GRAMD4: variants seen among roughly 807,000 people sequenced by gnomAD.
The protein encoded by GRAMD4 is GRAM domain-containing protein 4.
GRAMD4 carries 25 observed loss-of-function variants against 83.9 expected under a neutral mutation model. The ratio of observed to expected loss-of-function variants is 0.30; its 90% CI spans 0.22 to 0.42. The LOEUF (loss-of-function observed/expected upper bound fraction) is 0.42, where lower values mean the gene tolerates loss of function less well. Among genes scored for constraint, GRAMD4 ranks in the 10% least tolerant of loss-of-function variants. GRAMD4 has a pLI of 1.00. For synonymous variants in GRAMD4, 336 were observed against 320.9 expected (o/e 1.05, Z -0.50); for missense variants, 593 against 788.7 (o/e 0.75, Z 2.97).
chr22:46,616,829 C>T (rs1279933630), upstream of GRAMD4, among the ~76,000 whole-genome samples: 1 of 47,696 alleles, frequency 2.1e-5, no homozygotes, highest in Non-Finnish European at 4.0e-5. Context: ...CCTGTGTGTA[C>T]GTTCCCCTGT....
intron 3 of GRAMD4, among the ~76,000 whole-genome samples, chr22:46,643,899 C>T (rs2082026842): frequency 6.6e-6 from 1 of 152,120 alleles, no homozygotes; most frequent in Non-Finnish European, 1.5e-5. Flanking sequence ...TATCTAAAAT[C>T]GTTTCCATGG....
At chr22:46,668,250 A>G (rs1332519258) in intron 11 of GRAMD4, 83 bp downstream of exon 11, 4 of 955,924 alleles carry the variant, frequency 4.2e-6, no homozygotes, top group South Asian at 1.4e-5. Flanking sequence ...GGCCAGGGGT[A>G]GGTCTCCGCC....
intron 1 of GRAMD4, 86 bp from the exon 2 acceptor site, chr22:46,626,665 T>C (rs1175066217): frequency 1.3e-5 from 10 of 795,784 alleles, no homozygotes; most frequent in Non-Finnish European, 1.8e-5. Context: ...TTTGGAAAGC[T>C]GGACCGGCTG....
chr22:46,585,131 C>T (rs1446390216), intron 1 of GRAMD4, among the ~76,000 whole-genome samples: 5 of 151,766 alleles, frequency 3.3e-5, no homozygotes, highest in Non-Finnish European at 7.4e-5. Flanking sequence ...GCTGGTTTGT[C>T]GGCGGTGTTT....
downstream of GRAMD4, among the ~76,000 whole-genome samples, chr22:46,680,805 C>CCCAT (rs751195568): frequency 0.077 from 4,307 of 55,590 alleles, 424 homozygotes; most frequent in African/African-American, 0.14. Context: ...CATTCACCTA[C>CCCAT]CCATCCATCC....
At position 46,644,697 on chromosome 22, in the gene GRAMD4, G is replaced by GTTTGTTTTTTTTTT. The variant is rs2082043917; in HGVS notation, c.283+6740_283+6741insGTTTTTTTTTTTTT. On this transcript the variant is annotated intron_variant, in intron 3 of 18. Coordinates refer to ENST00000406902, the MANE Select transcript of GRAMD4 (RefSeq NM_015124.5). Reference sequence around the variant, plus strand: ...TCATCCACTTGTCCACTTGTTCCCTGTTTTTTTTTTTTTTTTTTTTTTTTT... The same window carrying GTTTGTTTTTTTTTT: ...TCATCCACTTGTCCACTTGTTCCCTGTTTGTTTTTTTTTTTTTTTTTTTTTTTTTTTTTTTTTTT... 2.1e-5 allele frequency among the ~76,000 whole-genome samples: 2 copies of GTTTGTTTTTTTTTT among 97,338 alleles called. 1 individual carries two copies. Among genetic ancestry groups the GTTTGTTTTTTTTTT allele is most frequent in the African/African-American group, 8.0e-5 (2 of 24,922 alleles). The allele number at this position is 97,338 out of a possible 152,430, so 63.9% of individuals were successfully genotyped here. A position where few individuals can be genotyped will look rare whatever the true frequency, so the allele number is the denominator to read the frequency against.
chr22:46,621,269 A>T lies in GRAMD4; in HGVS notation c.-50+704A>T, dbSNP rs2081570831. On this transcript the variant is annotated intron_variant, in intron 1 of 18. Transcript: ENST00000406902. This position sits in a 1 kb window ranked among gnomAD's most constrained non-coding sequence, Gnocchi z 5.8. ...GACGGGCCTTGGTTCCTGCATCTGT[A>T]AGTTGGGCGTGTGCTGGGTAATAGT... Among the ~76,000 whole-genome samples the T allele has an allele frequency of 1.3e-5, 2 of 152,080 alleles. No homozygotes were observed. The highest frequency in any genetic ancestry group is 1.3e-4 in the Admixed American group (2 of 15,282).
chr22:46,580,695 T>C (rs984829829), intron 1 of GRAMD4, among the ~76,000 whole-genome samples: 3 of 152,294 alleles, frequency 2.0e-5, no homozygotes, highest in African/African-American at 7.2e-5. Flanking sequence ...CCGGGCGCGC[T>C]GGCTCACGCC....
chr22:46,611,419 T>C (rs1945199106), intron 1 of GRAMD4, among the ~76,000 whole-genome samples: 1 of 152,054 alleles, frequency 6.6e-6, no homozygotes. Flanking sequence ...GCTCAGGCCA[T>C]GGAGTCCAGT....
chr22:46,675,728 G>T (rs763945574), intron 17 of GRAMD4, among the ~76,000 whole-genome samples, 176 bp downstream of exon 17: 1 of 152,206 alleles, frequency 6.6e-6, no homozygotes, highest in Non-Finnish European at 1.5e-5. Context: ...CTGTGGGTCT[G>T]CCCCTGCCCT....
At chr22:46,628,825 G>T (rs1381213903) in intron 2 of GRAMD4, among the ~76,000 whole-genome samples, 1 of 152,140 alleles carries the variant, frequency 6.6e-6, no homozygotes, top group Non-Finnish European at 1.5e-5. Context: ...GGCCGCTCCA[G>T]GGTGATGTCT....
chr22:46,643,632 C>G (rs1231856642), intron 3 of GRAMD4, among the ~76,000 whole-genome samples: 1 of 152,200 alleles, frequency 6.6e-6, no homozygotes, highest in Non-Finnish European at 1.5e-5. Context: ...CTTTCGTCTC[C>G]TTTCACCTGG....
At chr22:46,682,677 C>T (rs888897524), downstream of GRAMD4, among the ~76,000 whole-genome samples, 3 of 152,234 alleles carry the variant, frequency 2.0e-5, no homozygotes, top group South Asian at 2.1e-4. Context: ...CGAACACCCC[C>T]CAAAATGCCT....
chr22:46,599,223 G>T (rs1458120619), intron 1 of GRAMD4, among the ~76,000 whole-genome samples: 1 of 152,176 alleles, frequency 6.6e-6, no homozygotes, highest in Non-Finnish European at 1.5e-5. Context: ...GGGCCTGTGT[G>T]TGAGAGTGCT....
intron 3 of GRAMD4, among the ~76,000 whole-genome samples, chr22:46,648,795 G>GATGC (rs1725256564): frequency 1.3e-4 from 15 of 114,140 alleles, no homozygotes; most frequent in Non-Finnish European, 1.9e-4. Flanking sequence ...TGGATGGATG[G>GATGC]ATGGATGCAT....
chr22:46,667,859 G>A (rs1355366879), intron 10 of GRAMD4, among the ~76,000 whole-genome samples: 1 of 152,212 alleles, frequency 6.6e-6, no homozygotes, highest in African/African-American at 2.4e-5. Flanking sequence ...AGCCATTGCA[G>A]GGGCGGCTCT....
At chr22:46,578,179 G>C (rs1196333966) in intron 1 of GRAMD4, among the ~76,000 whole-genome samples, 1 of 152,182 alleles carries the variant, frequency 6.6e-6, no homozygotes. Context: ...GCAGGATGGG[G>C]TTCCCTTCTT....
chr22:46,652,919 T>C (rs1160472385), intron 3 of GRAMD4, among the ~76,000 whole-genome samples: 1 of 152,206 alleles, frequency 6.6e-6, no homozygotes, highest in Non-Finnish European at 1.5e-5. Context: ...CACACTGCAG[T>C]TGACCTGAAT....
At chr22:46,682,284 T>C (rs2082674702), downstream of GRAMD4, 1 of 293,644 alleles carries the variant, frequency 3.4e-6, no homozygotes, top group African/African-American at 2.3e-5. Context: ...TGCTCAACTC[T>C]CTACCACATG....
Sources: gnomAD v4.1 joint callset for allele counts (sites outside exome capture counted in the v4.1 genomes callset) on GRCh38, gnomAD v4.1.1 for gene constraint, Gnocchi (gnomAD v3.1) non-coding constraint, MANE v1.5 for transcripts, NCBI Gene and HGNC (gene_info 2026-07-23, HGNC 2026-07-21) for gene names.